The following EPB41L4A variants were observed in gnomAD, a reference collection of about 807,000 sequenced individuals.
EPB41L4A encodes the protein band 4.1-like protein 4A.
A neutral mutation model predicts 108.6 loss-of-function variants in EPB41L4A; 100 were observed. The ratio of observed to expected loss-of-function variants is 0.92; its 90% confidence interval spans 0.78 to 1.09. The LOEUF is 1.09. Among genes scored for constraint, EPB41L4A ranks in the 50% least tolerant of loss-of-function variants. The pLI is 0.00. For synonymous variants in EPB41L4A, 319 were observed against 289.0 expected, an observed-to-expected ratio of 1.10 and a Z score of -1.05; for missense variants, 1,030 against 842.7, an observed-to-expected ratio of 1.22 and a Z score of -2.75.
intron 1 of EPB41L4A, among the ~76,000 whole-genome samples, chr5:112,403,337 C>CA (rs113132902): frequency 0.054 from 4,197 of 78,430 alleles, 207 homozygotes; most frequent in African/African-American, 0.12. Context: ...TAATCCTCAG[C>CA]AAAAAAAAAA....
chr5:112,267,459 A>T (rs1424720394), intron 4 of EPB41L4A, among the ~76,000 whole-genome samples: 6 of 152,200 alleles, frequency 3.9e-5, no homozygotes, highest in Admixed American at 3.3e-4. Flanking sequence ...TATTGCAACC[A>T]TATGTTTCAG....
intron 2 of EPB41L4A, among the ~76,000 whole-genome samples, chr5:112,291,374 C>T (rs1753629123): frequency 6.6e-6 from 1 of 152,212 alleles, no homozygotes; most frequent in African/African-American, 2.4e-5. Flanking sequence ...TCACTCCAGC[C>T]TCGGTGTAAA....
intron 1 of EPB41L4A, among the ~76,000 whole-genome samples, chr5:112,317,761 G>C (rs951213402): frequency 1.3e-5 from 2 of 152,112 alleles, no homozygotes; most frequent in African/African-American, 4.8e-5. Context: ...TTATGTTTTG[G>C]ACAATACATC....
intron 12 of EPB41L4A, among the ~76,000 whole-genome samples, chr5:112,224,003 G>A (rs1355839910): frequency 6.6e-6 from 1 of 152,176 alleles, no homozygotes; most frequent in Non-Finnish European, 1.5e-5. Context: ...CCATACTGGA[G>A]TGCAGTGGCG....
At chr5:112,146,895 T>A (rs1203882914) in intron 12 of EPB41L4A, among the ~76,000 whole-genome samples, 3 of 152,248 alleles carry the variant, frequency 2.0e-5, no homozygotes, top group Non-Finnish European at 4.4e-5. Flanking sequence ...AGGTCTTTTC[T>A]ATTAATTAGA....
At chr5:112,368,467 A>G (rs1759275394) in intron 1 of EPB41L4A, among the ~76,000 whole-genome samples, 1 of 152,060 alleles carries the variant, frequency 6.6e-6, no homozygotes, top group Non-Finnish European at 1.5e-5. Flanking sequence ...TCCTTTTAAA[A>G]ATAAAAGCCT....
chr5:112,252,464 A>G (rs1474273295), intron 9 of EPB41L4A, among the ~76,000 whole-genome samples: 1 of 152,158 alleles, frequency 6.6e-6, no homozygotes, highest in African/African-American at 2.4e-5. Context: ...GAAATATATT[A>G]TACCAAAAAA....
At chr5:112,205,194 C>T (rs1302776851) in intron 14 of EPB41L4A, among the ~76,000 whole-genome samples, 6 of 152,170 alleles carry the variant, frequency 3.9e-5, no homozygotes, top group Admixed American at 3.3e-4. Flanking sequence ...TCCTAGGTTT[C>T]CCTTTTGCCT....
chr5:112,366,154 CA>C (rs1281934954), intron 1 of EPB41L4A, among the ~76,000 whole-genome samples: 1 of 152,164 alleles, frequency 6.6e-6, no homozygotes, highest in African/African-American at 2.4e-5. Flanking sequence ...CATCACTCAG[CA>C]GTCAGTTCAA....
intron 1 of EPB41L4A, among the ~76,000 whole-genome samples, chr5:112,332,914 A>G (rs1756659386): frequency 6.6e-6 from 1 of 152,202 alleles, no homozygotes; most frequent in Admixed American, 6.5e-5. Context: ...CCATCAAGAC[A>G]TTAGTGCCCA....
chr5:112,205,276 T>C lies in EPB41L4A; in HGVS notation c.1262+145A>G, dbSNP rs922104413. On this transcript the variant is annotated intron_variant, in intron 14 of 22. Coordinates refer to ENST00000261486, the MANE Select transcript of EPB41L4A (RefSeq NM_022140.5). ...TTCAGAAATCCCAGCCCCTCTCCCCTGGGTCACATTGATTTAGAGTCTGCC... is the reference window on the plus strand; with the variant it reads ...TTCAGAAATCCCAGCCCCTCTCCCCCGGGTCACATTGATTTAGAGTCTGCC... 2.3e-5 allele frequency: 17 copies of C among 734,596 alleles called. 1 individual carries two copies. Among genetic ancestry groups the C allele is most frequent in the Non-Finnish European group, 3.2e-5 (13 of 409,264 alleles). 45.5% of individuals were successfully genotyped at this position (734,596 alleles called of 1,614,324 possible).
rs1398842404 is a variant in EPB41L4A at position 112,221,308 on chromosome 5, A to G, written c.1088-11326T>C. On this transcript the variant is annotated intron_variant, in intron 12 of 22. Coordinates refer to ENST00000261486, the MANE Select transcript of EPB41L4A (RefSeq NM_022140.5). ...TCAGTGCTCCACTCTATGCCACTTG[A>G]TATGTCCTGCCTGCATTCCAGCATT... 3.9e-5 allele frequency among the ~76,000 whole-genome samples: 6 copies of G among 152,190 alleles called. No individual in the cohort carries two copies. The East Asian group carries it at 7.7e-4, about 20-fold the overall frequency.
At chr5:112,368,494 G>C (rs1020382418) in intron 1 of EPB41L4A, among the ~76,000 whole-genome samples, 1 of 152,000 alleles carries the variant, frequency 6.6e-6, no homozygotes, top group Non-Finnish European at 1.5e-5. Context: ...CCCTATATAA[G>C]TCTTTCCAGC....
chr5:112,319,650 C>A (rs1167750656), intron 1 of EPB41L4A, among the ~76,000 whole-genome samples: 1 of 152,286 alleles, frequency 6.6e-6, no homozygotes, highest in East Asian at 1.9e-4. Flanking sequence ...GTGCAAAATA[C>A]CTGGCCTATT....
intron 1 of EPB41L4A, among the ~76,000 whole-genome samples, chr5:112,404,378 C>A (rs1004943672): frequency 5.9e-5 from 9 of 152,196 alleles, no homozygotes; most frequent in African/African-American, 1.9e-4. Flanking sequence ...AACTTGCCAA[C>A]AGTGAGTAAA....
At chr5:112,218,645 A>G (rs116055251) in intron 12 of EPB41L4A, among the ~76,000 whole-genome samples, 1 of 152,154 alleles carries the variant, frequency 6.6e-6, no homozygotes, top group Non-Finnish European at 1.5e-5. Flanking sequence ...ATTTGATGCA[A>G]TTTTAATAGT....
At chr5:112,181,668 T>C (rs1580381048) in intron 18 of EPB41L4A, among the ~76,000 whole-genome samples, 1 of 152,166 alleles carries the variant, frequency 6.6e-6, no homozygotes, top group Non-Finnish European at 1.5e-5. Context: ...ACTGATACCA[T>C]GGATGAAGCT....
chr5:112,324,448 T>C (rs1401274134), intron 1 of EPB41L4A, among the ~76,000 whole-genome samples: 1 of 151,974 alleles, frequency 6.6e-6, no homozygotes, highest in Non-Finnish European at 1.5e-5. Context: ...CTGTCTCTAC[T>C]AAAAATACAA....
At chr5:112,178,905 G>C (rs1317687420) in intron 18 of EPB41L4A, among the ~76,000 whole-genome samples, 2 of 151,612 alleles carry the variant, frequency 1.3e-5, no homozygotes, top group African/African-American at 2.4e-5. Context: ...TACAGTCAAT[G>C]AAACAGACAA....
Sources: allele counts gnomAD v4.1 joint callset (sites outside exome capture counted in the v4.1 genomes callset), GRCh38; gene constraint gnomAD v4.1.1; transcripts MANE v1.5; gene names NCBI Gene and HGNC (gene_info 2026-07-23, HGNC 2026-07-21).